The following TSC22D1 variants were observed in gnomAD, a reference collection of about 807,000 sequenced individuals.
The protein encoded by TSC22D1 is TSC22 domain family member 1, also known as TSC22 domain family protein 1.
In TSC22D1, 9 loss-of-function variants were observed where a neutral mutation model predicts 74.2. The observed-to-expected ratio is 0.12, with a 90% CI of 0.07 to 0.21. The LOEUF is 0.21. Ranked by LOEUF, TSC22D1 falls within the 10% of genes least tolerant of loss-of-function variation. The pLI is 1.00. For synonymous variants in TSC22D1, 586 were observed against 492.5 expected (o/e 1.19, Z -2.51); for missense variants, 1,427 against 1,304.7 (o/e 1.09, Z -1.44).
intron 1 of TSC22D1, among the ~76,000 whole-genome samples, chr13:44,525,353 G>A (rs1397275754): frequency 2.0e-5 from 3 of 152,116 alleles, no homozygotes; most frequent in African/African-American, 4.8e-5. Flanking sequence ...TTGGGAAACC[G>A]AGGCAGGAGG....
intron 1 of TSC22D1, among the ~76,000 whole-genome samples, chr13:44,480,707 C>A (rs897960553): frequency 1.3e-5 from 2 of 152,148 alleles, no homozygotes; most frequent in Non-Finnish European, 2.9e-5. Context: ...TGAAGACACT[C>A]CAGACAACTC....
intron 1 of TSC22D1, among the ~76,000 whole-genome samples, chr13:44,560,799 C>T (rs1354983063): frequency 2.6e-5 from 4 of 152,164 alleles, no homozygotes; most frequent in East Asian, 1.9e-4. Context: ...AACAATATAA[C>T]GAACATAATC....
chr13:44,513,903 T>A (rs1326906342), intron 1 of TSC22D1, among the ~76,000 whole-genome samples: 1 of 152,164 alleles, frequency 6.6e-6, no homozygotes, highest in East Asian at 1.9e-4. Context: ...TTTTAATAGA[T>A]AAACCTTGAG....
intron 1 of TSC22D1, among the ~76,000 whole-genome samples, chr13:44,572,951 T>C (rs577109754): frequency 1.3e-5 from 2 of 152,364 alleles, no homozygotes; most frequent in Non-Finnish European, 1.5e-5. Context: ...CAACAACTAT[T>C]CTGAAAATAT....
At chr13:44,559,165 T>C (rs926812222) in intron 1 of TSC22D1, among the ~76,000 whole-genome samples, 1 of 152,158 alleles carries the variant, frequency 6.6e-6, no homozygotes, top group Non-Finnish European at 1.5e-5. Context: ...AAGAAAAGTT[T>C]AGGTGAACTA....
At chr13:44,534,188 T>C (rs1266028263) in intron 1 of TSC22D1, among the ~76,000 whole-genome samples, 1 of 146,916 alleles carries the variant, frequency 6.8e-6, no homozygotes, top group African/African-American at 2.5e-5. Flanking sequence ...ATTGAGCCAC[T>C]GCACTGCAGC....
chr13:44,534,410 TA>T (rs1430543869), intron 1 of TSC22D1, among the ~76,000 whole-genome samples: 4 of 151,286 alleles, frequency 2.6e-5, no homozygotes, highest in Non-Finnish European at 5.9e-5. Context: ...CAGTTCTTTT[TA>T]AAGAACTCAA....
rs1480655508 is a variant in TSC22D1 at position 44,433,496 on chromosome 13, T to TA, written c.*1129dup. ...GTTGTGGAAATGACTGCCATTATGT[T>TA]AACAGGGTCATATGAAAAACACTTG... On this transcript the variant is annotated 3_prime_UTR_variant, in exon 3 of 3. Coordinates refer to ENST00000458659, the MANE Select transcript of TSC22D1 (RefSeq NM_183422.4). 1 of 152,636 alleles carries TA rather than the reference T, an allele frequency of 6.6e-6. No individual in the cohort carries two copies. The highest frequency in any genetic ancestry group is 6.5e-5 in the Admixed American group (1 of 15,296). The allele number at this position is 152,636 out of a possible 1,614,324, so 9.5% of individuals were successfully genotyped here.
intron 1 of TSC22D1, among the ~76,000 whole-genome samples, chr13:44,450,112 T>G (rs192271648): frequency 6.7e-6 from 1 of 148,656 alleles, no homozygotes; most frequent in African/African-American, 2.4e-5. Context: ...ACTTACCCTC[T>G]GGGTGTTGAA....
intron 1 of TSC22D1, among the ~76,000 whole-genome samples, chr13:44,444,706 C>A (rs761447365): frequency 6.6e-6 from 1 of 151,798 alleles, no homozygotes; most frequent in Non-Finnish European, 1.5e-5. Context: ...TCTAAGTAAC[C>A]CATGGGTCAA....
chr13:44,476,278 A>G (rs1268380838), intron 1 of TSC22D1, among the ~76,000 whole-genome samples: 1 of 152,144 alleles, frequency 6.6e-6, no homozygotes, highest in East Asian at 1.9e-4. Context: ...ACTGTAGGGA[A>G]ACTTGTGTTG....
intron 1 of TSC22D1, among the ~76,000 whole-genome samples, chr13:44,517,857 A>ATATATATTTTTTTTTTTT (rs10627677): frequency 6.2e-5 from 1 of 16,176 alleles, no homozygotes; most frequent in African/African-American, 1.8e-4. Context: ...ATATATATAT[A>ATATATATTTTTTTTTTTT]TTTTTTTTTT....
Position 44,576,185 on chromosome 13 carries a change from C to T in TSC22D1, c.-111G>A, listed in dbSNP as rs1318360322. On this transcript the variant is annotated 5_prime_UTR_variant, in exon 1 of 3. Transcript: ENST00000458659. ...ACGGGACCTGACGCTCCGCCTGGCG[C>T]GATTCCTCCTTCTCCTCCTCCTCAG... 7.2e-7 allele frequency: 1 copy of T among 1,386,606 alleles called. No homozygotes were observed. The highest frequency in any genetic ancestry group is 1.5e-5 in the South Asian group (1 of 64,570). 85.9% of individuals were successfully genotyped at this position (1,386,606 alleles called of 1,614,324 possible). A position where few individuals can be genotyped will look rare whatever the true frequency, so the allele number is the denominator to read the frequency against.
chr13:44,444,490 A>T (rs1167747471), intron 1 of TSC22D1, among the ~76,000 whole-genome samples: 3 of 151,924 alleles, frequency 2.0e-5, no homozygotes, highest in Admixed American at 6.6e-5. Flanking sequence ...ATATGGAAGA[A>T]GATATTCCAT....
intron 1 of TSC22D1, among the ~76,000 whole-genome samples, chr13:44,566,354 T>C (rs776249274): frequency 2.0e-5 from 3 of 152,130 alleles, no homozygotes; most frequent in Admixed American, 1.3e-4. Flanking sequence ...TATTCACCAA[T>C]AAAATAGAAA....
At chr13:44,443,937 T>C (rs1388334709) in intron 1 of TSC22D1, among the ~76,000 whole-genome samples, 28 of 151,606 alleles carry the variant, frequency 1.8e-4, no homozygotes, top group Non-Finnish European at 1.2e-4. Flanking sequence ...AAAAGGGGAA[T>C]AAAGAATAGA....
At chr13:44,521,616 T>G (rs1880319424) in intron 1 of TSC22D1, among the ~76,000 whole-genome samples, 1 of 149,348 alleles carries the variant, frequency 6.7e-6, no homozygotes, top group Non-Finnish European at 1.5e-5. Context: ...CTGTAATCAC[T>G]CCTCGCCATG....
At chr13:44,446,530 G>A (rs1056370752) in intron 1 of TSC22D1, among the ~76,000 whole-genome samples, 2 of 152,108 alleles carry the variant, frequency 1.3e-5, no homozygotes, top group African/African-American at 4.8e-5. Context: ...CTACCTATGA[G>A]GTACCTCGTT....
chr13:44,480,795 C>G (rs955328706), intron 1 of TSC22D1, among the ~76,000 whole-genome samples: 1 of 152,160 alleles, frequency 6.6e-6, no homozygotes, highest in African/African-American at 2.4e-5. Flanking sequence ...TAACCACACT[C>G]CTTTTACATA....
Sources: allele counts gnomAD v4.1 joint callset (sites outside exome capture counted in the v4.1 genomes callset), GRCh38; gene constraint gnomAD v4.1.1; transcripts MANE v1.5; gene names NCBI Gene and HGNC (gene_info 2026-07-23, HGNC 2026-07-21).